The following SCN2A variants were observed in gnomAD, a reference collection of about 807,000 sequenced individuals.
SCN2A encodes sodium voltage-gated channel alpha subunit 2, also known as sodium channel protein type 2 subunit alpha.
A neutral mutation model predicts 188.7 loss-of-function variants in SCN2A; 20 were observed. That is an observed-to-expected ratio of 0.11 (90% CI 0.07 to 0.15). The LOEUF is 0.15. SCN2A is among the 10% of genes least tolerant of loss of function. SCN2A has a pLI of 1.00. For synonymous variants in SCN2A, 804 were observed against 833.1 expected (o/e 0.97, Z 0.60); for missense variants, 1,278 against 2,445.0 (o/e 0.52, Z 10.07).
chr2:165,357,328 T>C (rs1700230862), intron 17 of SCN2A, among the ~76,000 whole-genome samples: 1 of 152,190 alleles, frequency 6.6e-6, no homozygotes, highest in Non-Finnish European at 1.5e-5. Context: ...GATTACATTG[T>C]TAAATATCAC....
At chr2:165,365,294 A>T (rs746688637) in intron 18 of SCN2A, 31 bp downstream of exon 18, 9 of 1,612,558 alleles carry the variant, frequency 5.6e-6, no homozygotes, top group Non-Finnish European at 7.6e-6. Flanking sequence ...TGTGGTCTTG[A>T]GTATCCTCTT....
chr2:165,373,009 T>C (rs947397261), intron 20 of SCN2A: 3 of 500,666 alleles, frequency 6.0e-6, no homozygotes, highest in African/African-American at 3.9e-5. Flanking sequence ...CTAGTATCAT[T>C]AACTTCACCC....
At chr2:165,370,354 G>A in intron 20 of SCN2A, 55 bp downstream of exon 20, 1 of 1,566,796 alleles carries the variant, frequency 6.4e-7, no homozygotes, top group Non-Finnish European at 8.8e-7. Context: ...AATAGTTCTA[G>A]CAATGGTGCC....
At chr2:165,243,474 C>T (rs1400515830) in intron 1 of SCN2A, among the ~76,000 whole-genome samples, 1 of 151,906 alleles carries the variant, frequency 6.6e-6, no homozygotes, top group East Asian at 1.9e-4. Context: ...TGGTGGCAGG[C>T]ACCTGTAGTC....
chr2:165,309,025 T>A, intron 5 of SCN2A: 1 of 1,096,114 alleles, frequency 9.1e-7, no homozygotes, highest in Non-Finnish European at 1.3e-6. Flanking sequence ...ATAACAGAGA[T>A]TATGATTGAT....
intron 17 of SCN2A, among the ~76,000 whole-genome samples, chr2:165,364,656 G>A (rs543868066): frequency 2.0e-5 from 3 of 152,170 alleles, no homozygotes; most frequent in Non-Finnish European, 2.9e-5. Context: ...ATGTTTTCAT[G>A]TCAATGAAAA....
intron 14 of SCN2A, among the ~76,000 whole-genome samples, chr2:165,337,115 A>C (rs1171874270): frequency 6.6e-6 from 1 of 152,072 alleles, no homozygotes; most frequent in East Asian, 1.9e-4. Context: ...GAGCAGAAAA[A>C]AATGAAAACT....
In SCN2A at chr2:165,354,360, G is replaced by A; in HGVS notation, c.3088G>A (p.Val1030Ile). The change falls in exon 17 of 27, where the codon GTT (valine) becomes ATT (isoleucine). Residue 1030 changes from valine to isoleucine, a missense_variant. Transcript: ENST00000375437. Reference protein sequence around the residue: ...KIREFIQKAFVRKQKALDEIK... With the variant: ...KIREFIQKAFIRKQKALDEIK... Reference sequence around the variant, plus strand: ...ACGTGAATTTATTCAGAAAGCCTTTGTTAGGAAGCAGAAAGCTTTAGATGA... The same window carrying A: ...ACGTGAATTTATTCAGAAAGCCTTTATTAGGAAGCAGAAAGCTTTAGATGA... The A allele has an allele frequency of 1.2e-6, 2 of 1,614,024 alleles. No individual in the cohort carries two copies. The highest frequency in any genetic ancestry group is 1.7e-6 in the Non-Finnish European group (2 of 1,179,932).
chr2:165,341,099 T>G (rs551516613), intron 14 of SCN2A, among the ~76,000 whole-genome samples: 1 of 152,184 alleles, frequency 6.6e-6, no homozygotes, highest in Non-Finnish European at 1.5e-5. Context: ...TTTTGTTTGT[T>G]TGTTTGTTTT....
In SCN2A at chr2:165,327,794, T is replaced by C. The variant is rs1389424187; in HGVS notation, c.2149+810T>C. ...TCAATATTAGTTGTTTTGTTGTTGT[T>C]ATTTTTGTTAATTCACATGTTTTTG... is the stretch of plus-strand genomic sequence containing the variant. On this transcript the variant is annotated intron_variant, in intron 13 of 26. Coordinates refer to ENST00000375437, the MANE Select transcript of SCN2A (RefSeq NM_001040142.2). The C allele has an allele frequency of 2.6e-5, 4 of 152,222 alleles. No homozygotes were observed. In the East Asian group the frequency reaches 5.8e-4, roughly 22 times the overall value. 9.4% of individuals were successfully genotyped at this position (152,222 alleles called of 1,614,324 possible).
chr2:165,282,839 A>G (rs561058762), intron 1 of SCN2A, among the ~76,000 whole-genome samples: 1 of 152,348 alleles, frequency 6.6e-6, no homozygotes, highest in East Asian at 1.9e-4. Flanking sequence ...GAGGTGAGAA[A>G]TGATTGGATC....
intron 1 of SCN2A, chr2:165,290,748 G>A: frequency 2.0e-6 from 2 of 984,824 alleles, no homozygotes; most frequent in Non-Finnish European, 2.4e-6. Context: ...TTGTGCGCTT[G>A]ATTGCAGTAG....
At chr2:165,269,990 A>G (rs1695034667) in intron 1 of SCN2A, 2 of 151,820 alleles carry the variant, frequency 1.3e-5, no homozygotes, top group Non-Finnish European at 2.9e-5. Context: ...ACAGGGCTTT[A>G]TGGAAAAGAC....
chr2:165,301,888 A>G (rs73969344), intron 3 of SCN2A, among the ~76,000 whole-genome samples: 2,132 of 152,324 alleles, frequency 0.014, 42 homozygotes, highest in African/African-American at 0.048. Context: ...ACCCAGAGAT[A>G]TTTAGTTTTT....
intron 1 of SCN2A, among the ~76,000 whole-genome samples, chr2:165,248,102 C>T (rs1386564994): frequency 2.0e-5 from 3 of 152,148 alleles, no homozygotes; most frequent in Non-Finnish European, 4.4e-5. Context: ...CTGCTCAAGC[C>T]ACCATCAAGT....
At chr2:165,332,177 A>G (rs1333353850) in intron 14 of SCN2A, among the ~76,000 whole-genome samples, 1 of 152,026 alleles carries the variant, frequency 6.6e-6, no homozygotes, top group Non-Finnish European at 1.5e-5. Context: ...CAAAATGAAG[A>G]AAATCACGCA....
Position 165,295,855 on chromosome 2 carries a change from C to A in SCN2A, c.32C>A (p.Pro11His). Residue 11 changes from proline (P) to histidine (H), a missense_variant, in exon 2 of 27, where the codon CCT (proline) becomes CAT (histidine). Pro to His is a moderately conservative substitution (Grantham distance 77). This residue lies in a region of SCN2A where 141 missense variants were observed against 185.4 expected (regional missense o/e 0.76). Coordinates refer to ENST00000375437, the MANE Select transcript of SCN2A (RefSeq NM_001040142.2). MAQSVLVPPGPDSFRFFTRES... is the reference protein window; with the variant it reads MAQSVLVPPGHDSFRFFTRES... The stretch of plus-strand genomic sequence containing the variant: ...CAGTCAGTGCTGGTACCGCCAGGAC[C>A]TGACAGCTTCCGCTTCTTTACCAGG... 6.2e-7 allele frequency: 1 copy of A among 1,614,162 alleles called. No homozygotes were observed. The highest frequency in any genetic ancestry group is 8.5e-7 in the Non-Finnish European group (1 of 1,180,038).
chr2:165,351,586 G>C (rs759355741), intron 16 of SCN2A, among the ~76,000 whole-genome samples: 1 of 145,498 alleles, frequency 6.9e-6, no homozygotes, highest in Admixed American at 6.8e-5. Flanking sequence ...AAAAAAAAAA[G>C]CTTCTCTACT....
intron 22 of SCN2A, 104 bp downstream of exon 22, chr2:165,375,070 A>G: frequency 1.0e-6 from 1 of 997,732 alleles, no homozygotes; most frequent in Admixed American, 2.0e-5. Context: ...CTATTATCAA[A>G]CAGATAAATG....
Sources: allele counts gnomAD v4.1 joint callset (sites outside exome capture counted in the v4.1 genomes callset), GRCh38; gene constraint gnomAD v4.1.1; regional missense constraint gnomAD v4.1.1; transcripts MANE v1.5; gene names NCBI Gene and HGNC (gene_info 2026-07-23, HGNC 2026-07-21).